Variants in CCBE1 observed in about 807,000 individuals in gnomAD.
CCBE1 encodes collagen and calcium binding EGF domains 1, also known as collagen and calcium-binding EGF domain-containing protein 1.
Under a neutral mutation model 50.0 loss-of-function variants are expected in CCBE1, and 37 were observed. That is an observed-to-expected ratio of 0.74 (90% CI 0.57 to 0.97). CCBE1 has a LOEUF of 0.97. Among genes scored for constraint, CCBE1 ranks in the 50% least tolerant of loss-of-function variants. CCBE1 has a pLI of 0.00. For missense variants in CCBE1, 538 were observed against 523.8 expected, an observed-to-expected ratio of 1.03 and a Z score of -0.26; for synonymous variants, 234 against 203.7, an observed-to-expected ratio of 1.15 and a Z score of -1.27.
intron 2 of CCBE1, among the ~76,000 whole-genome samples, chr18:59,607,324 C>A (rs2053512042): frequency 6.6e-6 from 1 of 152,186 alleles, no homozygotes; most frequent in African/African-American, 2.4e-5. Flanking sequence ...AGTCCAGAAT[C>A]TGATAATCTG....
intron 2 of CCBE1, among the ~76,000 whole-genome samples, chr18:59,603,196 G>A (rs1168948324): frequency 6.6e-6 from 1 of 152,206 alleles, no homozygotes; most frequent in Non-Finnish European, 1.5e-5. Flanking sequence ...ATGACCATGA[G>A]AAGAAAAGAA....
At chr18:59,598,971 T>C (rs957960311) in intron 2 of CCBE1, among the ~76,000 whole-genome samples, 1 of 152,020 alleles carries the variant, frequency 6.6e-6, no homozygotes, top group African/African-American at 2.4e-5. Flanking sequence ...ATCAAATCCT[T>C]GTGATGCTGG....
intron 2 of CCBE1, among the ~76,000 whole-genome samples, chr18:59,549,049 G>A (rs968578882): frequency 2.2e-5 from 3 of 138,686 alleles, no homozygotes; most frequent in African/African-American, 8.2e-5. Context: ...GTTGCAGTGA[G>A]CCAAGATCAT....
chr18:59,522,145 T>C (rs1914628550), intron 2 of CCBE1, among the ~76,000 whole-genome samples: 1 of 151,562 alleles, frequency 6.6e-6, no homozygotes, highest in South Asian at 2.1e-4. Context: ...TTTTTGTACA[T>C]TTGTATAATC....
At chr18:59,635,485 T>C (rs1472108954) in intron 2 of CCBE1, among the ~76,000 whole-genome samples, 1 of 151,162 alleles carries the variant, frequency 6.6e-6, no homozygotes, top group African/African-American at 2.5e-5. Flanking sequence ...GAAGAAACAG[T>C]AATTTAAAAA....
At chr18:59,567,426 G>A (rs1022328186) in intron 2 of CCBE1, among the ~76,000 whole-genome samples, 12 of 152,150 alleles carry the variant, frequency 7.9e-5, no homozygotes, top group African/African-American at 2.4e-4. Context: ...GAGCCACTGC[G>A]CCTGGCTGCA....
chr18:59,669,414 T>C (rs2144705328), intron 2 of CCBE1, among the ~76,000 whole-genome samples: 1 of 152,306 alleles, frequency 6.6e-6, no homozygotes, highest in East Asian at 1.9e-4. Context: ...AACAGCTCCT[T>C]GGCTTCCTCC....
chr18:59,582,071 C>A (rs926890635), intron 2 of CCBE1, among the ~76,000 whole-genome samples: 16 of 152,162 alleles, frequency 1.1e-4, no homozygotes, highest in Non-Finnish European at 2.1e-4. Context: ...TCTCACAAAA[C>A]CTGTGGACCC....
At chr18:59,560,939 A>G (rs544364141) in intron 2 of CCBE1, among the ~76,000 whole-genome samples, 5 of 152,328 alleles carry the variant, frequency 3.3e-5, no homozygotes, top group African/African-American at 1.2e-4. Flanking sequence ...CTGTAGTCCT[A>G]ATGCAAGATA....
chr18:59,589,592 G>C (rs562915555), intron 2 of CCBE1, among the ~76,000 whole-genome samples: 2 of 151,992 alleles, frequency 1.3e-5, no homozygotes, highest in Non-Finnish European at 2.9e-5. Context: ...CCAGGAGATC[G>C]AGACCATCCT....
intron 5 of CCBE1, among the ~76,000 whole-genome samples, chr18:59,458,877 T>G (rs142361193): frequency 6.6e-6 from 1 of 152,348 alleles, no homozygotes; most frequent in Non-Finnish European, 1.5e-5. Flanking sequence ...TCCAGAAGAC[T>G]TGAAGCTCCT....
chr18:59,458,654 C>T (rs745320069), intron 5 of CCBE1, among the ~76,000 whole-genome samples: 2 of 152,222 alleles, frequency 1.3e-5, no homozygotes, highest in African/African-American at 2.4e-5. Flanking sequence ...GAAGAGACCA[C>T]GAACTCAACT....
chr18:59,645,858 C>T (rs985745262), intron 2 of CCBE1, among the ~76,000 whole-genome samples: 4 of 152,032 alleles, frequency 2.6e-5, no homozygotes, highest in Non-Finnish European at 4.4e-5. Flanking sequence ...GGTGAAACCC[C>T]GTCTCTGCTA....
intron 2 of CCBE1, among the ~76,000 whole-genome samples, chr18:59,627,992 C>T (rs1204466275): frequency 6.6e-6 from 1 of 152,136 alleles, no homozygotes; most frequent in African/African-American, 2.4e-5. Context: ...GTGGGCAGAT[C>T]GCTTGAGCCC....
chr18:59,618,476 C>T (rs545710680), intron 2 of CCBE1, among the ~76,000 whole-genome samples: 1 of 151,614 alleles, frequency 6.6e-6, no homozygotes, highest in Non-Finnish European at 1.5e-5. Context: ...GCTCTATCGC[C>T]CAGACTGGAG....
At chr18:59,531,627 C>G (rs754284604) in intron 2 of CCBE1, among the ~76,000 whole-genome samples, 1 of 152,056 alleles carries the variant, frequency 6.6e-6, no homozygotes, top group Non-Finnish European at 1.5e-5. Context: ...ACATGTCTTT[C>G]GTCCCAGATA....
chr18:59,564,015 C>T (rs926661779), intron 2 of CCBE1: 4 of 152,140 alleles, frequency 2.6e-5, no homozygotes, highest in Admixed American at 6.5e-5. Flanking sequence ...TTCCAGAAGG[C>T]TGCATAAGGG....
intron 2 of CCBE1, among the ~76,000 whole-genome samples, chr18:59,524,295 G>C (rs1914726902): frequency 6.6e-6 from 1 of 152,132 alleles, no homozygotes; most frequent in Non-Finnish European, 1.5e-5. Flanking sequence ...ACTACAGCCT[G>C]GGTAACAGAG....
chr18:59,528,150 A>G (rs193185082), intron 2 of CCBE1, among the ~76,000 whole-genome samples: 8 of 152,258 alleles, frequency 5.3e-5, no homozygotes, highest in Admixed American at 2.0e-4. Flanking sequence ...ACATAATCCC[A>G]TAGTTCTTAG....
Sources: allele counts gnomAD v4.1 joint callset (sites outside exome capture counted in the v4.1 genomes callset), GRCh38; gene constraint gnomAD v4.1.1; transcripts MANE v1.5; gene names NCBI Gene and HGNC (gene_info 2026-07-23, HGNC 2026-07-21).